The following KIF6 variants were observed in gnomAD, a reference collection of about 807,000 sequenced individuals.
The protein encoded by KIF6 is kinesin-like protein KIF6.
In KIF6, 106 loss-of-function variants were observed where a neutral mutation model predicts 112.7. The ratio of observed to expected loss-of-function variants is 0.94; its 90% confidence interval spans 0.80 to 1.11. The LOEUF is 1.11. KIF6 is among the 50% of genes least tolerant of loss of function. The pLI, the probability that KIF6 is intolerant of heterozygous loss-of-function variation, is 0.00. For missense variants in KIF6, 929 were observed against 964.0 expected (o/e 0.96, Z 0.48); for synonymous variants, 339 against 339.9 (o/e 1.00, Z 0.03).
intron 10 of KIF6, among the ~76,000 whole-genome samples, chr6:39,567,711 C>G (rs550462654): frequency 1.3e-5 from 2 of 152,162 alleles, no homozygotes; most frequent in Non-Finnish European, 2.9e-5. Flanking sequence ...GGGTTCACAC[C>G]ATTCTCCTGC....
At chr6:39,337,227 CTTTCTTTCTT>C (rs1562102953) in intron 22 of KIF6, among the ~76,000 whole-genome samples, 2 of 94,900 alleles carry the variant, frequency 2.1e-5, no homozygotes, top group Non-Finnish European at 3.7e-5. Context: ...TTCTTTCTTT[CTTTCTTTCTT>C]TTTCTTTCTT....
At chr6:39,466,859 G>C (rs997716412) in intron 13 of KIF6, among the ~76,000 whole-genome samples, 1 of 152,170 alleles carries the variant, frequency 6.6e-6, no homozygotes, top group Admixed American at 6.5e-5. Context: ...ACCAGGTCTC[G>C]ATTGCCTTTG....
chr6:39,579,906 C>T (rs775721063), intron 9 of KIF6, among the ~76,000 whole-genome samples: 47 of 151,866 alleles, frequency 3.1e-4, no homozygotes, highest in Admixed American at 6.6e-4. Flanking sequence ...AATTTAACTA[C>T]TAAATCTTAA....
rs1274327107 is a variant in KIF6 at position 39,360,332 on chromosome 6, C to T, written c.2082+63G>A. ...TCAAAGCCCCCACTGTGTCTCTTGA[C>T]AGCCCCAGTGGGGCTGCATGACTGG... On this transcript the variant is annotated intron_variant, in intron 18 of 22. Transcript: ENST00000287152. The T allele has an allele frequency of 5.0e-6, 8 of 1,585,054 alleles. No homozygotes were observed. In the African/African-American group the frequency reaches 9.4e-5, roughly 19 times the overall value.
intron 13 of KIF6, among the ~76,000 whole-genome samples, chr6:39,493,257 C>T (rs1775577897): frequency 1.3e-5 from 2 of 152,108 alleles, no homozygotes; most frequent in South Asian, 4.1e-4. Context: ...CTTAGAGGTC[C>T]AATAGTTCAA....
intron 6 of KIF6, among the ~76,000 whole-genome samples, chr6:39,601,942 G>T (rs1000483861): frequency 2.0e-5 from 3 of 152,060 alleles, no homozygotes; most frequent in Admixed American, 1.3e-4. Flanking sequence ...TCTCCACCCG[G>T]TTAGGTAACT....
At chr6:39,538,717 G>C (rs1778596167) in intron 13 of KIF6, among the ~76,000 whole-genome samples, 2 of 150,128 alleles carry the variant, frequency 1.3e-5, no homozygotes, top group Non-Finnish European at 2.9e-5. Context: ...CCATTATTGG[G>C]TATATACCCA....
intron 13 of KIF6, among the ~76,000 whole-genome samples, chr6:39,535,996 A>C (rs1778399364): frequency 6.6e-6 from 1 of 151,954 alleles, no homozygotes; most frequent in African/African-American, 2.4e-5. Context: ...GCAGAAATAA[A>C]GATGTTCTTT....
chr6:39,597,082 A>G (rs771612826), intron 6 of KIF6, among the ~76,000 whole-genome samples: 4 of 152,194 alleles, frequency 2.6e-5, no homozygotes, highest in Non-Finnish European at 4.4e-5. Flanking sequence ...AATGGTGTGC[A>G]GGATATTAAT....
In KIF6 at chr6:39,360,446, C is replaced by T; in HGVS notation, c.2031G>A (p.Lys677=). Reference sequence around the variant, plus strand: ...ACCAGACTTCAAACTCTTTCTGTAGCTTCACCTTGGCTTTGTCCATGAGCA... The same window carrying T: ...ACCAGACTTCAAACTCTTTCTGTAGTTTCACCTTGGCTTTGTCCATGAGCA... The part of the protein sequence containing the change: ...LQLLMDKAKV[K]LQKEFEVWWA... The change falls in exon 18 of 23, where the codon AAG becomes AAA. Residue 677 remains lysine, a synonymous_variant. Transcript: ENST00000287152. The T allele has an allele frequency of 6.2e-7, 1 of 1,614,232 alleles. No individual in the cohort carries two copies. Among genetic ancestry groups the T allele is most frequent in the African/African-American group, 1.3e-5 (1 of 75,054 alleles).
chr6:39,396,938 C>T (rs1768316384), intron 15 of KIF6, among the ~76,000 whole-genome samples: 1 of 152,160 alleles, frequency 6.6e-6, no homozygotes, highest in African/African-American at 2.4e-5. Context: ...GTATTTTCCC[C>T]TGTTCCCTTT....
chr6:39,436,651 T>C (rs1433980889), intron 13 of KIF6, among the ~76,000 whole-genome samples: 2 of 152,108 alleles, frequency 1.3e-5, no homozygotes, highest in Non-Finnish European at 2.9e-5. Context: ...TGTTTTTGTC[T>C]GCATTGTCAA....
At position 39,639,764 on chromosome 6, in the gene KIF6, T is replaced by A. The variant is rs755557038; in HGVS notation, c.252-7A>T. On this transcript the variant is annotated splice_polypyrimidine_tract_variant and splice_region_variant and intron_variant, in intron 3 of 22. Transcript: ENST00000287152. ...ATTGTAACCTGCCAGGACACTGCAA[T>A]AAAGAAATGACACACTTTCAATATC... The A allele has an allele frequency of 1.5e-5, 24 of 1,605,668 alleles. No homozygotes were observed. Among genetic ancestry groups the A allele is most frequent in the Non-Finnish European group, 2.0e-5 (23 of 1,176,894 alleles).
chr6:39,506,501 C>T lies in KIF6; in HGVS notation c.1645+33502G>A, dbSNP rs1776435607. On this transcript the variant is annotated intron_variant, in intron 13 of 22. Coordinates refer to ENST00000287152, the MANE Select transcript of KIF6 (RefSeq NM_145027.6). ...ACCTGCATATCCTGCACATGTATCC[C>T]TGAACTTTAAATAAAAGTTGGAAAG... Among the ~76,000 whole-genome samples the T allele has an allele frequency of 2.0e-5, 3 of 152,058 alleles. 1 individual carries two copies. The South Asian group carries it at 6.2e-4, about 32-fold the overall frequency.
intron 4 of KIF6, among the ~76,000 whole-genome samples, chr6:39,635,957 T>C (rs1284664389): frequency 6.6e-6 from 1 of 151,982 alleles, no homozygotes; most frequent in Non-Finnish European, 1.5e-5. Context: ...ACAGAGAATT[T>C]GCTTAGGATG....
At chr6:39,574,735 T>G (rs1276562995) in intron 10 of KIF6, among the ~76,000 whole-genome samples, 1 of 152,204 alleles carries the variant, frequency 6.6e-6, no homozygotes, top group Non-Finnish European at 1.5e-5. Flanking sequence ...TATTGGCTCC[T>G]CTGCATCATC....
chr6:39,597,761 T>A (rs1332481830), intron 6 of KIF6, among the ~76,000 whole-genome samples: 1 of 152,192 alleles, frequency 6.6e-6, no homozygotes, highest in East Asian at 1.9e-4. Context: ...ATTTAAAATA[T>A]TTGACCAAGA....
At position 39,554,756 on chromosome 6, in the gene KIF6, A is replaced by G. The variant is rs1779594573; in HGVS notation, c.1182-9068T>C. The G allele has an allele frequency of 1.9e-5, 3 of 162,136 alleles. No individual in the cohort carries two copies. In the South Asian group the frequency reaches 5.4e-4, roughly 29 times the overall value. The allele number at this position is 162,136 out of a possible 1,614,324, so 10.0% of individuals were successfully genotyped here. On this transcript the variant is annotated intron_variant, in intron 10 of 22. Transcript: ENST00000287152. The stretch of plus-strand genomic sequence containing the variant: ...TTCTGGAACTCCCCGAAGAGCTGCC[A>G]CTCTTGGATCTCACACAAGAACACA...
chr6:39,457,570 A>G (rs1479923110), intron 13 of KIF6, among the ~76,000 whole-genome samples: 7 of 152,086 alleles, frequency 4.6e-5, no homozygotes, highest in African/African-American at 9.6e-5. Context: ...CAAAAAATCA[A>G]TGAATCCAGG....
Sources: allele counts gnomAD v4.1 joint callset (sites outside exome capture counted in the v4.1 genomes callset), GRCh38; gene constraint gnomAD v4.1.1; transcripts MANE v1.5; gene names NCBI Gene and HGNC (gene_info 2026-07-23, HGNC 2026-07-21).